The following MCM8 variants were observed in gnomAD, a reference collection of about 807,000 sequenced individuals.
The protein encoded by MCM8 is DNA helicase MCM8.
Under a neutral mutation model 98.9 loss-of-function variants are expected in MCM8, and 85 were observed. The ratio of observed to expected loss-of-function variants is 0.86; its 90% CI spans 0.72 to 1.03. MCM8 has a LOEUF of 1.03. Ranked by LOEUF, MCM8 falls within the 50% of genes least tolerant of loss-of-function variation. The pLI is 0.00. For missense variants in MCM8, 951 were observed against 997.8 expected (o/e 0.95, Z 0.63); for synonymous variants, 352 against 338.6 (o/e 1.04, Z -0.44).
intron 3 of MCM8, 97 bp from the exon 4 acceptor site, chr20:5,954,511 A>T (rs1342714256): frequency 1.8e-6 from 1 of 562,420 alleles, no homozygotes; most frequent in East Asian, 2.8e-5. Flanking sequence ...AATTAGAAAA[A>T]AATCATCTAC....
At chr20:5,977,837 T>A (rs1230825643) in intron 12 of MCM8, 39 bp from the exon 13 acceptor site, 1 of 1,606,692 alleles carries the variant, frequency 6.2e-7, no homozygotes, top group Non-Finnish European at 8.5e-7. Context: ...TACTTCCCTT[T>A]TACTTTGGAT....
chr20:5,965,386 C>A (rs2089253188), intron 8 of MCM8: 1 of 152,182 alleles, frequency 6.6e-6, no homozygotes. Flanking sequence ...ATTTTAGGGG[C>A]CATTAACTTT....
At chr20:5,953,058 A>C (rs752560688) in intron 3 of MCM8, among the ~76,000 whole-genome samples, 1 of 152,234 alleles carries the variant, frequency 6.6e-6, no homozygotes, top group Admixed American at 6.5e-5. Context: ...GGCATGACTC[A>C]GTGGTGCTTG....
chr20:5,961,997 G>A (rs1183725244), intron 7 of MCM8, among the ~76,000 whole-genome samples: 1 of 152,238 alleles, frequency 6.6e-6, no homozygotes, highest in Admixed American at 6.5e-5. Flanking sequence ...TGGATCAGGA[G>A]TTTGGAAGAA....
chr20:5,972,407 C>A (rs903813093), intron 11 of MCM8, among the ~76,000 whole-genome samples: 1 of 151,860 alleles, frequency 6.6e-6, no homozygotes. Flanking sequence ...GGGGTTTTGC[C>A]ATGTTGCCCA....
At chr20:5,963,795 C>G (rs1456302156) in intron 8 of MCM8, among the ~76,000 whole-genome samples, 1 of 152,150 alleles carries the variant, frequency 6.6e-6, no homozygotes, top group Non-Finnish European at 1.5e-5. Flanking sequence ...CTCAGCCTCC[C>G]AAAGTGCTGG....
chr20:5,953,464 T>TGTGTGC (rs1221263431), intron 3 of MCM8, among the ~76,000 whole-genome samples: 2 of 151,514 alleles, frequency 1.3e-5, no homozygotes, highest in Non-Finnish European at 2.9e-5. Flanking sequence ...TGTGTGTGTG[T>TGTGTGC]GTGTGTGCAT....
At chr20:5,986,229 T>G (rs993467586) in intron 16 of MCM8, 98 bp downstream of exon 16, 4 of 1,080,462 alleles carry the variant, frequency 3.7e-6, no homozygotes, top group Non-Finnish European at 5.5e-6. Flanking sequence ...TGACTCCATT[T>G]TCCTTTCTAT....
intron 7 of MCM8, among the ~76,000 whole-genome samples, chr20:5,960,941 ATACAT>A (rs1040880223): frequency 4.0e-5 from 6 of 151,892 alleles, no homozygotes; most frequent in African/African-American, 1.4e-4. Flanking sequence ...GCCTCAAAAA[ATACAT>A]AAATAAATAA....
intron 15 of MCM8, 91 bp from the exon 16 acceptor site, chr20:5,985,831 C>G: frequency 7.7e-7 from 1 of 1,294,778 alleles, no homozygotes; most frequent in Non-Finnish European, 1.1e-6. Flanking sequence ...CAGGCGTGAG[C>G]CACTGCACCT....
At position 5,958,726 on chromosome 20, in the gene MCM8, G is replaced by A. The variant is rs2089056133; in HGVS notation, c.789G>A (p.Lys263=). The A allele has an allele frequency of 2.5e-6, 4 of 1,613,358 alleles. No homozygotes were observed. The African/African-American group carries it at 4.0e-5, about 16-fold the overall frequency. ...LPDGKYSLPT[K]CPVPVCRGRS... Reference sequence around the variant, plus strand: ...ATGGAAAATACAGTCTTCCCACAAAGGTAATACGTTCTTTAACTGCTTCTT... The same window carrying A: ...ATGGAAAATACAGTCTTCCCACAAAAGTAATACGTTCTTTAACTGCTTCTT... Residue 263 remains lysine, a splice_region_variant and synonymous_variant, in exon 7 of 19, where the codon AAG becomes AAA. Transcript: ENST00000610722.
Position 5,984,996 on chromosome 20 carries a change from T to C in MCM8, c.1949T>C (p.Leu650Pro). Residue 650 changes from leucine to proline, a missense_variant, in exon 15 of 19, where the codon CTA becomes CCA. Coordinates refer to ENST00000610722, the MANE Select transcript of MCM8 (RefSeq NM_032485.6). ...TCTGAGAAGCCATTATCAGAAAGAC[T>C]AAAGGTATAAATGTTTCTTCTCCTT... Reference protein sequence around the residue: ...VVSEKPLSERLKVVPGETIDP... With the variant: ...VVSEKPLSERPKVVPGETIDP... The C allele has an allele frequency of 6.2e-7, 1 of 1,610,262 alleles. No individual in the cohort carries two copies. The highest frequency in any genetic ancestry group is 2.2e-5 in the East Asian group (1 of 44,838).
rs1206490531 is a variant in MCM8 at position 5,983,087 on chromosome 20, C to G, written c.1655C>G (p.Ala552Gly). The G allele has an allele frequency of 1.2e-6, 2 of 1,614,000 alleles. No individual in the cohort carries two copies. The highest frequency in any genetic ancestry group is 1.7e-6 in the Non-Finnish European group (2 of 1,180,018). ...GCTGGTGTGGTTTGTAGCCTTCCTG[C>G]AAGAACTTCCATTATTGCTGCTGCA... The part of the protein sequence containing the change: ...AKAGVVCSLP[A>G]RTSIIAAANP... Residue 552 changes from alanine (A) to glycine (G), a missense_variant, in exon 14 of 19, where the codon GCA becomes GGA. By Grantham distance (60) the Ala-to-Gly change is moderately conservative. Coordinates refer to ENST00000610722, the MANE Select transcript of MCM8 (RefSeq NM_032485.6).
At chr20:5,985,801 C>T (rs769768784) in intron 15 of MCM8, 121 bp from the exon 16 acceptor site, 87 of 929,896 alleles carry the variant, frequency 9.4e-5, no homozygotes, top group Middle Eastern at 3.2e-4. Context: ...CCTCCTTGGC[C>T]TCCCAAAGCG....
chr20:5,984,112 C>T (rs979219068), intron 14 of MCM8, among the ~76,000 whole-genome samples: 1 of 152,066 alleles, frequency 6.6e-6, no homozygotes, highest in African/African-American at 2.4e-5. Context: ...TTCTGTACAG[C>T]TTGGACAAAA....
chr20:5,993,502 T>G lies in MCM8; in HGVS notation c.2241-4T>G, dbSNP rs747154614. On this transcript the variant is annotated splice_polypyrimidine_tract_variant and splice_region_variant and intron_variant, in intron 17 of 18. Transcript: ENST00000610722. ...GGGTAATTTTTTCTTCCTTTCTTTT[T>G]AAGCATGCTAGGAACTTACTCTGAT... 3 of 1,515,396 alleles carry G rather than the reference T, an allele frequency of 2.0e-6. No homozygotes were observed. In the South Asian group the frequency reaches 4.0e-5, roughly 20 times the overall value. 93.9% of individuals were successfully genotyped at this position (1,515,396 alleles called of 1,614,324 possible). A position where few individuals can be genotyped will look rare whatever the true frequency, so the allele number is the denominator to read the frequency against.
chr20:5,977,763 A>G, intron 12 of MCM8, 113 bp from the exon 13 acceptor site: 3 of 1,123,900 alleles, frequency 2.7e-6, no homozygotes, highest in Non-Finnish European at 3.8e-6. Context: ...CACCTTGTAC[A>G]CTAAAGCTCT....
Position 5,967,911 on chromosome 20 carries a change from CAA to C in MCM8, c.1111_1112del (p.Lys371GlufsTer3), listed in dbSNP as rs1568580052. 3.1e-6 allele frequency: 5 copies of C among 1,613,942 alleles called. No individual in the cohort carries two copies. The highest frequency in any genetic ancestry group is 1.1e-5 in the South Asian group (1 of 91,074). On this transcript the variant is annotated frameshift_variant, in exon 10 of 19. Coordinates refer to ENST00000610722, the MANE Select transcript of MCM8 (RefSeq NM_032485.6). LOFTEE classifies it high-confidence loss of function. ...ATTAGTAATAGCAAAGGACAGAAAA[CAA>C]AGAGTTCTGAGGATGGGTGTAAGCA...
chr20:5,987,040 TG>T (rs759568615), intron 16 of MCM8, among the ~76,000 whole-genome samples: 47 of 152,156 alleles, frequency 3.1e-4, no homozygotes, highest in Admixed American at 5.9e-4. Flanking sequence ...TTGCTCAGGC[TG>T]GTCTCGAACT....
Sources: gnomAD v4.1 joint callset for allele counts (sites outside exome capture counted in the v4.1 genomes callset) on GRCh38, gnomAD v4.1.1 for gene constraint, MANE v1.5 for transcripts, NCBI Gene and HGNC (gene_info 2026-07-23, HGNC 2026-07-21) for gene names.